Variants in RBFOX1 observed in about 807,000 individuals in gnomAD.
RBFOX1 encodes the protein RNA binding protein fox-1 homolog 1.
Under a neutral mutation model 57.7 loss-of-function variants are expected in RBFOX1, and 8 were observed. The observed-to-expected ratio is 0.14, with a 90% confidence interval of 0.08 to 0.25. The LOEUF is 0.25. RBFOX1 is among the 10% of genes least tolerant of loss of function. The pLI is 1.00. For synonymous variants in RBFOX1, 326 were observed against 222.4 expected (o/e 1.47, Z -4.15); for missense variants, 611 against 548.5 (o/e 1.11, Z -1.14).
At chr16:7,003,867 A>G (rs751453682) in intron 3 of RBFOX1, 2 of 152,076 alleles carry the variant, frequency 1.3e-5, no homozygotes, top group Admixed American at 6.6e-5. Context: ...TTTTCAGATG[A>G]TTGGTTATTT....
intron 3 of RBFOX1, among the ~76,000 whole-genome samples, chr16:6,733,883 G>C (rs994386539): frequency 6.6e-6 from 1 of 152,214 alleles, no homozygotes; most frequent in Non-Finnish European, 1.5e-5. Context: ...GCCAGTGTTG[G>C]TTCTGATTGT....
chr16:7,272,344 C>G (rs899274980), intron 4 of RBFOX1, among the ~76,000 whole-genome samples: 1 of 152,040 alleles, frequency 6.6e-6, no homozygotes, highest in Non-Finnish European at 1.5e-5. Flanking sequence ...ACCACTACAC[C>G]CAGCTAGTTT....
intron 3 of RBFOX1, among the ~76,000 whole-genome samples, chr16:6,946,691 C>G (rs1175630837): frequency 1.3e-5 from 2 of 152,100 alleles, no homozygotes; most frequent in Non-Finnish European, 1.5e-5. Flanking sequence ...CAATCTCAAA[C>G]TCCTGGGCTC....
At chr16:5,966,223 G>C (rs968910995) in intron 4 of RBFOX1, among the ~76,000 whole-genome samples, 7 of 152,160 alleles carry the variant, frequency 4.6e-5, no homozygotes, top group Non-Finnish European at 8.8e-5. Flanking sequence ...AACGTGACTG[G>C]CTATATTCGG....
chr16:7,535,354 T>C (rs1380213148), intron 5 of RBFOX1, among the ~76,000 whole-genome samples: 5 of 152,148 alleles, frequency 3.3e-5, no homozygotes, highest in Non-Finnish European at 7.4e-5. Flanking sequence ...GAGCAATTGG[T>C]CCACACCATT....
At chr16:6,735,251 G>T (rs887920468) in intron 3 of RBFOX1, among the ~76,000 whole-genome samples, 1 of 152,146 alleles carries the variant, frequency 6.6e-6, no homozygotes, top group Non-Finnish European at 1.5e-5. Context: ...GGTATGGTTT[G>T]GGAGTTAAGT....
intron 4 of RBFOX1, among the ~76,000 whole-genome samples, chr16:5,973,591 C>G (rs1163827177): frequency 6.6e-6 from 1 of 152,184 alleles, no homozygotes; most frequent in Non-Finnish European, 1.5e-5. Context: ...AATTTTGTGT[C>G]AGGTTGACTA....
chr16:6,435,444 G>T (rs147227085), intron 2 of RBFOX1, among the ~76,000 whole-genome samples: 7 of 152,116 alleles, frequency 4.6e-5, no homozygotes, highest in African/African-American at 9.6e-5. Flanking sequence ...GGGACTATAG[G>T]CATGCCATCA....
At chr16:6,722,969 G>A (rs2066331792) in intron 3 of RBFOX1, among the ~76,000 whole-genome samples, 1 of 152,198 alleles carries the variant, frequency 6.6e-6, no homozygotes, top group Non-Finnish European at 1.5e-5. Context: ...AGTTCTGCAA[G>A]TGATGGTATT....
intron 2 of RBFOX1, among the ~76,000 whole-genome samples, chr16:5,567,880 C>T (rs1172256975): frequency 6.6e-6 from 1 of 152,152 alleles, no homozygotes. Context: ...GTTGTTACCC[C>T]ATTTTATGTT....
chr16:5,985,551 G>A (rs573589795), intron 4 of RBFOX1, among the ~76,000 whole-genome samples: 2 of 152,298 alleles, frequency 1.3e-5, no homozygotes, highest in South Asian at 4.1e-4. Context: ...ATAGCAGAGG[G>A]AAGGTTCAAA....
intron 3 of RBFOX1, among the ~76,000 whole-genome samples, chr16:5,621,552 T>C (rs886222114): frequency 1.3e-5 from 2 of 152,120 alleles, no homozygotes; most frequent in African/African-American, 4.8e-5. Context: ...AGGGTTTACA[T>C]AGAAGGTGGG....
At chr16:6,364,695 A>G (rs2089246615) in intron 2 of RBFOX1, among the ~76,000 whole-genome samples, 1 of 152,236 alleles carries the variant, frequency 6.6e-6, no homozygotes, top group Admixed American at 6.5e-5. Flanking sequence ...TGAAAGGGAA[A>G]CATCTTTCTG....
intron 4 of RBFOX1, among the ~76,000 whole-genome samples, chr16:7,161,777 T>C (rs534646796): frequency 6.6e-6 from 1 of 152,318 alleles, no homozygotes; most frequent in South Asian, 2.1e-4. Context: ...CCAACATTTA[T>C]AGAGGTGATT....
At chr16:7,166,688 G>A (rs977214873) in intron 4 of RBFOX1, among the ~76,000 whole-genome samples, 1 of 152,120 alleles carries the variant, frequency 6.6e-6, no homozygotes, top group African/African-American at 2.4e-5. Context: ...GCCCCAGTCT[G>A]CTGTCAGCCG....
intron 3 of RBFOX1, among the ~76,000 whole-genome samples, chr16:7,046,989 A>T (rs1195525637): frequency 1.3e-5 from 2 of 151,020 alleles, no homozygotes; most frequent in Non-Finnish European, 2.9e-5. Flanking sequence ...TTTTTGCTTT[A>T]AGCCATTAAA....
chr16:6,203,064 C>T (rs551972017), intron 1 of RBFOX1, among the ~76,000 whole-genome samples: 100 of 152,202 alleles, frequency 6.6e-4, no homozygotes, highest in African/African-American at 2.0e-3. Flanking sequence ...GTGTGAGCCA[C>T]CGTGCCCAGC....
chr16:5,759,339 T>A (rs2053511634), intron 3 of RBFOX1, among the ~76,000 whole-genome samples: 1 of 152,186 alleles, frequency 6.6e-6, no homozygotes, highest in African/African-American at 2.4e-5. Flanking sequence ...GAGAGATGTA[T>A]CTCTGTTCTG....
intron 3 of RBFOX1, among the ~76,000 whole-genome samples, chr16:6,659,566 T>G (rs538991853): frequency 6.6e-6 from 1 of 152,260 alleles, no homozygotes; most frequent in African/African-American, 2.4e-5. Context: ...CTCAGGCACA[T>G]TTAAGTGACT....
Sources: allele counts gnomAD v4.1 joint callset (sites outside exome capture counted in the v4.1 genomes callset), GRCh38; gene constraint gnomAD v4.1.1; transcripts MANE v1.5; gene names NCBI Gene and HGNC (gene_info 2026-07-23, HGNC 2026-07-21).